The following SLC26A7 variants were observed in gnomAD, a reference collection of about 807,000 sequenced individuals.
SLC26A7 encodes solute carrier family 26 member 7.
A neutral mutation model predicts 82.5 loss-of-function variants in SLC26A7; 59 were observed. The ratio of observed to expected loss-of-function variants is 0.72; its 90% CI spans 0.58 to 0.89. The LOEUF (loss-of-function observed/expected upper bound fraction) is 0.89, where lower values mean the gene tolerates loss of function less well. SLC26A7 is among the 40% of genes least tolerant of loss of function. The probability of loss-of-function intolerance (pLI) is 0.00; values close to 1 mark genes in which losing one functional copy is unlikely to be tolerated. For missense variants in SLC26A7, 820 were observed against 793.0 expected (o/e 1.03, Z -0.41); for synonymous variants, 271 against 274.3 (o/e 0.99, Z 0.12).
chr8:91,382,347 T>A (rs1814691122), intron 15 of SLC26A7, among the ~76,000 whole-genome samples: 1 of 152,132 alleles, frequency 6.6e-6, no homozygotes, highest in African/African-American at 2.4e-5. Flanking sequence ...TTATACAAGC[T>A]CTCCATCCCA....
At chr8:91,353,085 G>C in intron 11 of SLC26A7, 89 bp downstream of exon 11, 1 of 858,398 alleles carries the variant, frequency 1.2e-6, no homozygotes, top group Non-Finnish European at 1.8e-6. Flanking sequence ...GCAGAAAATA[G>C]ATATTGTCAT....
At chr8:91,358,081 A>G (rs1325498065) in intron 11 of SLC26A7, among the ~76,000 whole-genome samples, 4 of 152,210 alleles carry the variant, frequency 2.6e-5, no homozygotes, top group Non-Finnish European at 5.9e-5. Flanking sequence ...CACCAGTTAG[A>G]ATGGCGATCA....
At chr8:91,323,220 G>A (rs1812839621) in intron 5 of SLC26A7, among the ~76,000 whole-genome samples, 1 of 152,136 alleles carries the variant, frequency 6.6e-6, no homozygotes, top group African/African-American at 2.4e-5. Context: ...TAAATTAAAG[G>A]GGAGAGAAAA....
At chr8:91,271,780 G>C (rs866323700) in intron 2 of SLC26A7, among the ~76,000 whole-genome samples, 1 of 151,992 alleles carries the variant, frequency 6.6e-6, no homozygotes, top group Non-Finnish European at 1.5e-5. Flanking sequence ...ATTTTTAGTA[G>C]AGCTGGGGTT....
intron 2 of SLC26A7, among the ~76,000 whole-genome samples, chr8:91,236,093 A>G (rs2130679726): frequency 6.6e-6 from 1 of 152,348 alleles, no homozygotes; most frequent in Non-Finnish European, 1.5e-5. Flanking sequence ...CTGGTCCCCA[A>G]TTAATACAGA....
At chr8:91,312,112 C>T (rs192410964) in intron 4 of SLC26A7, among the ~76,000 whole-genome samples, 1 of 152,236 alleles carries the variant, frequency 6.6e-6, no homozygotes, top group East Asian at 1.9e-4. Context: ...TAATAACTGC[C>T]GTTCCTCACT....
At chr8:91,273,934 G>A (rs1311660605) in intron 2 of SLC26A7, among the ~76,000 whole-genome samples, 1 of 152,120 alleles carries the variant, frequency 6.6e-6, no homozygotes, top group African/African-American at 2.4e-5. Flanking sequence ...TATCTCTCAT[G>A]GAATTTAATA....
intron 1 of SLC26A7, among the ~76,000 whole-genome samples, chr8:91,216,022 AG>A (rs2130654761): frequency 6.6e-6 from 1 of 152,324 alleles, no homozygotes; most frequent in South Asian, 2.1e-4. Flanking sequence ...TGTAATACCA[AG>A]AAATTATGCT....
chr8:91,235,076 C>T (rs931570913), intron 2 of SLC26A7, among the ~76,000 whole-genome samples: 2 of 151,806 alleles, frequency 1.3e-5, no homozygotes, highest in African/African-American at 2.4e-5. Flanking sequence ...TGAGTGACCA[C>T]GCGAGGCTAA....
intron 4 of SLC26A7, among the ~76,000 whole-genome samples, chr8:91,307,808 T>C (rs1002355556): frequency 1.1e-4 from 4 of 34,844 alleles, no homozygotes; most frequent in South Asian, 1.3e-3. Flanking sequence ...ATAATAAAAA[T>C]AAATAAATAA....
rs1414223091 is a variant in SLC26A7 at position 91,269,085 on chromosome 8, T to C, written c.193+19241T>C. Reference sequence around the variant, plus strand: ...GTCATTATTGTCTTTAATAGTTTTGTTTTTTAGTTTTCATACTAAAGATAT... The same window carrying C: ...GTCATTATTGTCTTTAATAGTTTTGCTTTTTAGTTTTCATACTAAAGATAT... On this transcript the variant is annotated intron_variant, in intron 2 of 18. Coordinates refer to ENST00000276609, the MANE Select transcript of SLC26A7 (RefSeq NM_052832.4). Among the ~76,000 whole-genome samples the C allele has an allele frequency of 2.0e-5, 3 of 152,202 alleles. No individual in the cohort carries two copies. The East Asian group carries it at 5.8e-4, about 29-fold the overall frequency.
chr8:91,279,300 T>C (rs1811502251), intron 2 of SLC26A7, among the ~76,000 whole-genome samples: 1 of 151,750 alleles, frequency 6.6e-6, no homozygotes, highest in Non-Finnish European at 1.5e-5. Flanking sequence ...TCATTTTCTT[T>C]GGATATATGC....
intron 4 of SLC26A7, among the ~76,000 whole-genome samples, chr8:91,311,895 TG>T (rs1424426086): frequency 1.3e-5 from 2 of 152,154 alleles, no homozygotes; most frequent in African/African-American, 2.4e-5. Flanking sequence ...AAAAATAGAG[TG>T]GCTACCTGTG....
At chr8:91,353,556 T>A (rs532996145) in intron 11 of SLC26A7, among the ~76,000 whole-genome samples, 1 of 152,280 alleles carries the variant, frequency 6.6e-6, no homozygotes, top group African/African-American at 2.4e-5. Context: ...AATAGCACAC[T>A]GATTCTAGAG....
chr8:91,236,193 A>G lies in SLC26A7; in HGVS notation c.-33-13426A>G, dbSNP rs146606581. Among the ~76,000 whole-genome samples, 19 of 152,340 alleles carry G rather than the reference A, an allele frequency of 1.2e-4. No individual in the cohort carries two copies. In the East Asian group the frequency reaches 3.7e-3, roughly 29 times the overall value. On this transcript the variant is annotated intron_variant, in intron 2 of 5. Coordinates refer to the SLC26A7 transcript ENST00000522862. The stretch of plus-strand genomic sequence containing the variant: ...GAAAAGCATAGATATTCTTAACTGC[A>G]TGAAAAAGAAAATAGAAACCTCTAA...
chr8:91,226,624 C>T (rs1029760502), intron 2 of SLC26A7, among the ~76,000 whole-genome samples: 1 of 152,154 alleles, frequency 6.6e-6, no homozygotes, highest in Non-Finnish European at 1.5e-5. Context: ...ATGGCATGAA[C>T]AAAACTGGCA....
intron 5 of SLC26A7, among the ~76,000 whole-genome samples, chr8:91,322,984 C>G (rs1348912308): frequency 6.6e-6 from 1 of 152,106 alleles, no homozygotes; most frequent in Non-Finnish European, 1.5e-5. Flanking sequence ...GAAGTCAGAA[C>G]CAATGAAACA....
intron 16 of SLC26A7, among the ~76,000 whole-genome samples, chr8:91,390,631 A>C (rs1028400418): frequency 6.6e-6 from 1 of 152,026 alleles, no homozygotes; most frequent in African/African-American, 2.4e-5. Flanking sequence ...CAGACCACCT[A>C]GAGCCTCCCT....
At chr8:91,278,274 A>G (rs1811460279) in intron 2 of SLC26A7, among the ~76,000 whole-genome samples, 3 of 152,120 alleles carry the variant, frequency 2.0e-5, no homozygotes, top group Admixed American at 2.0e-4. Context: ...GAAGTCAGAC[A>G]GAGCTCTTGC....
Sources: allele counts gnomAD v4.1 joint callset (sites outside exome capture counted in the v4.1 genomes callset), GRCh38; gene constraint gnomAD v4.1.1; transcripts MANE v1.5; gene names NCBI Gene and HGNC (gene_info 2026-07-23, HGNC 2026-07-21).